Variants in FSHR observed in about 807,000 individuals in gnomAD.
FSHR encodes the protein follicle-stimulating hormone receptor.
Under a neutral mutation model 52.1 loss-of-function variants are expected in FSHR, and 46 were observed. The ratio of observed to expected loss-of-function variants is 0.88; its 90% CI spans 0.70 to 1.13. The LOEUF is 1.13. FSHR is among the 50% of genes most tolerant of loss of function. The probability of loss-of-function intolerance (pLI) is 0.00; values close to 1 mark genes in which losing one functional copy is unlikely to be tolerated. For missense variants in FSHR, 964 were observed against 834.6 expected, an observed-to-expected ratio of 1.16 and a Z score of -1.91; for synonymous variants, 399 against 309.6, an observed-to-expected ratio of 1.29 and a Z score of -3.03.
chr2:48,987,453 G>T (rs1045366657), intron 6 of FSHR, among the ~76,000 whole-genome samples: 2 of 151,638 alleles, frequency 1.3e-5, no homozygotes, highest in Non-Finnish European at 2.9e-5. Context: ...CTCGTGATCT[G>T]CCTGCCTCTG....
chr2:49,019,183 C>A (rs1242654147), intron 3 of FSHR, among the ~76,000 whole-genome samples: 1 of 152,190 alleles, frequency 6.6e-6, no homozygotes, highest in Admixed American at 6.5e-5. Flanking sequence ...ATTCTAAATG[C>A]ATATTAGCAT....
intron 2 of FSHR, among the ~76,000 whole-genome samples, chr2:49,028,384 C>T (rs1667982266): frequency 6.6e-6 from 1 of 152,184 alleles, no homozygotes; most frequent in South Asian, 2.1e-4. Context: ...GCAGCATCAA[C>T]CTGGAAGCCA....
chr2:48,979,988 G>C (rs562240311), intron 8 of FSHR, among the ~76,000 whole-genome samples: 1 of 152,190 alleles, frequency 6.6e-6, no homozygotes, highest in African/African-American at 2.4e-5. Flanking sequence ...CACCTCTCAG[G>C]CCAGGGTTTA....
intron 2 of FSHR, among the ~76,000 whole-genome samples, chr2:49,065,249 G>A (rs1228580326): frequency 1.3e-5 from 2 of 152,126 alleles, no homozygotes; most frequent in Non-Finnish European, 2.9e-5. Context: ...AAGTTCTTCT[G>A]CAAGAGAATT....
intron 2 of FSHR, among the ~76,000 whole-genome samples, chr2:49,021,863 C>CTCTATATATATATATATA (rs1467766420): frequency 2.0e-5 from 1 of 49,860 alleles, no homozygotes; most frequent in African/African-American, 8.2e-5. Flanking sequence ...CTCTCTCTCT[C>CTCTATATATATATATATA]TATATATATA....
chr2:48,999,849 C>G (rs979892014), intron 4 of FSHR, among the ~76,000 whole-genome samples: 2 of 152,100 alleles, frequency 1.3e-5, no homozygotes, highest in Non-Finnish European at 2.9e-5. Flanking sequence ...TTTGGACTCC[C>G]ACATCATTGT....
intron 2 of FSHR, among the ~76,000 whole-genome samples, chr2:49,042,209 G>T (rs1558406866): frequency 6.6e-6 from 1 of 152,186 alleles, no homozygotes; most frequent in African/African-American, 2.4e-5. Flanking sequence ...GGAGTCCAGA[G>T]ATGCTTTTGA....
At chr2:49,068,114 AT>A (rs1328240871) in intron 2 of FSHR, 104 bp downstream of exon 2, 1 of 860,856 alleles carries the variant, frequency 1.2e-6, no homozygotes. Flanking sequence ...TTGGCTGACC[AT>A]GTCAGTTCGG....
chr2:48,962,455 A>C lies in FSHR; in HGVS notation c.*278T>G. ...AACAGGGATCACTTGAGATATCTGA[A>C]CAAAAGCACTTTGAACATAACGTGC... On this transcript the variant is annotated 3_prime_UTR_variant, in exon 10 of 10. Coordinates refer to ENST00000406846, the MANE Select transcript of FSHR (RefSeq NM_000145.4). 1 of 405,384 alleles carries C rather than the reference A, an allele frequency of 2.5e-6. No homozygotes were observed. The highest frequency in any genetic ancestry group is 4.6e-6 in the Non-Finnish European group (1 of 218,586). The allele number at this position is 405,384 out of a possible 1,614,324, so 25.1% of individuals were successfully genotyped here. A position where few individuals can be genotyped will look rare whatever the true frequency, so the allele number is the denominator to read the frequency against.
intron 4 of FSHR, among the ~76,000 whole-genome samples, chr2:48,998,542 C>T (rs928004088): frequency 1.3e-5 from 2 of 151,970 alleles, no homozygotes. Flanking sequence ...TGTATTTTTT[C>T]CCTGATGTCA....
At chr2:49,061,832 T>TA (rs1487153658) in intron 2 of FSHR, among the ~76,000 whole-genome samples, 1 of 123,592 alleles carries the variant, frequency 8.1e-6, no homozygotes, top group Non-Finnish European at 1.7e-5. Flanking sequence ...CTATATATGT[T>TA]TATATAAATA....
At chr2:49,052,719 T>C (rs1215666938) in intron 2 of FSHR, among the ~76,000 whole-genome samples, 3 of 152,148 alleles carry the variant, frequency 2.0e-5, no homozygotes, top group Admixed American at 6.5e-5. Flanking sequence ...ATCATCAGCC[T>C]CTCCTTTTCG....
chr2:49,132,165 TG>T (rs1227776639), intron 1 of FSHR, among the ~76,000 whole-genome samples: 2 of 152,216 alleles, frequency 1.3e-5, no homozygotes, highest in African/African-American at 4.8e-5. Context: ...TTACATGTTC[TG>T]GATGATGTAC....
At chr2:49,054,450 C>A (rs548955707) in intron 2 of FSHR, among the ~76,000 whole-genome samples, 29 of 152,102 alleles carry the variant, frequency 1.9e-4, no homozygotes, top group Non-Finnish European at 3.8e-4. Context: ...CCAAGGCCTG[C>A]AAAACATCCC....
intron 1 of FSHR, among the ~76,000 whole-genome samples, chr2:49,127,501 T>C: frequency 6.7e-6 from 1 of 149,848 alleles, no homozygotes; most frequent in East Asian, 2.0e-4. Flanking sequence ...CCTGTTTCTT[T>C]CTCAATGACC....
At chr2:48,974,650 T>C (rs1030065239) in intron 8 of FSHR, among the ~76,000 whole-genome samples, 3 of 152,208 alleles carry the variant, frequency 2.0e-5, no homozygotes, top group African/African-American at 7.2e-5. Context: ...CTGTCTGAAG[T>C]GATCAAACAT....
At chr2:49,045,594 T>C (rs957228296) in intron 2 of FSHR, among the ~76,000 whole-genome samples, 2 of 152,156 alleles carry the variant, frequency 1.3e-5, no homozygotes, top group African/African-American at 4.8e-5. Context: ...ATAAGTCTAG[T>C]TGACTTAGGA....
chr2:48,988,061 A>C lies in FSHR; in HGVS notation c.524+916T>G, dbSNP rs367914513. Among the ~76,000 whole-genome samples, 47 of 152,340 alleles carry C rather than the reference A, an allele frequency of 3.1e-4. No individual in the cohort carries two copies. The South Asian group carries it at 9.5e-3, about 31-fold the overall frequency. Reference sequence around the variant, plus strand: ...TTGTTATCTGTGATTAATTTACATCAAATACAGTGCTTAGCTTTACTCATC... The same window carrying C: ...TTGTTATCTGTGATTAATTTACATCCAATACAGTGCTTAGCTTTACTCATC... On this transcript the variant is annotated intron_variant, in intron 6 of 9. Coordinates refer to ENST00000406846, the MANE Select transcript of FSHR (RefSeq NM_000145.4).
intron 2 of FSHR, among the ~76,000 whole-genome samples, chr2:49,034,356 CAGCAA>C (rs1668207120): frequency 2.0e-5 from 3 of 152,182 alleles, no homozygotes; most frequent in Admixed American, 2.0e-4. Flanking sequence ...AAAGTCTGAT[CAGCAA>C]AGAATGTGGT....
Sources: gnomAD v4.1 joint callset for allele counts (sites outside exome capture counted in the v4.1 genomes callset) on GRCh38, gnomAD v4.1.1 for gene constraint, MANE v1.5 for transcripts, NCBI Gene and HGNC (gene_info 2026-07-23, HGNC 2026-07-21) for gene names.